Variants in ADAMTS12 observed in about 807,000 individuals in gnomAD.
ADAMTS12 encodes ADAM metallopeptidase with thrombospondin type 1 motif 12, also known as A disintegrin and metalloproteinase with thrombospondin motifs 12.
In ADAMTS12, 118 loss-of-function variants were observed where a neutral mutation model predicts 167.8. The ratio of observed to expected loss-of-function variants is 0.70; its 90% CI spans 0.61 to 0.82. The LOEUF (loss-of-function observed/expected upper bound fraction) is 0.82. Ranked by LOEUF, ADAMTS12 falls within the 40% of genes least tolerant of loss-of-function variation. The pLI, the probability that ADAMTS12 is intolerant of heterozygous loss-of-function variation, is 0.00. For missense variants in ADAMTS12, 1,916 were observed against 1,998.8 expected, an observed-to-expected ratio of 0.96 and a Z score of 0.79; for synonymous variants, 704 against 716.9, an observed-to-expected ratio of 0.98 and a Z score of 0.29.
In ADAMTS12 at chr5:33,744,296, T is replaced by C. The variant is rs576560948; in HGVS notation, c.634+7108A>G. Among the ~76,000 whole-genome samples the C allele has an allele frequency of 2.6e-5, 4 of 152,142 alleles. No individual in the cohort carries two copies. In the East Asian group the frequency reaches 5.8e-4, roughly 22 times the overall value. ...AAGTAGAAGTCACTCAGAAAAGCAT[T>C]TGGGGAGAACACGTTTCAGGGAGAA... On this transcript the variant is annotated intron_variant, in intron 3 of 23. Transcript: ENST00000504830.
intron 2 of ADAMTS12, among the ~76,000 whole-genome samples, chr5:33,818,254 C>A (rs1362507451): frequency 6.6e-6 from 1 of 151,970 alleles, no homozygotes; most frequent in Non-Finnish European, 1.5e-5. Context: ...CATCCTTTGA[C>A]CTACAGGTCC....
intron 2 of ADAMTS12, among the ~76,000 whole-genome samples, chr5:33,790,148 C>T (rs978894596): frequency 2.0e-5 from 3 of 152,234 alleles, no homozygotes; most frequent in African/African-American, 7.2e-5. Context: ...CCAGAGTCCA[C>T]ACATAGTATT....
chr5:33,783,594 T>C (rs1427713963), intron 2 of ADAMTS12, among the ~76,000 whole-genome samples: 2 of 151,932 alleles, frequency 1.3e-5, no homozygotes, highest in African/African-American at 2.4e-5. Context: ...GGATATTAGC[T>C]GTAATTCTGT....
At chr5:33,677,495 G>A (rs1016205697) in intron 5 of ADAMTS12, among the ~76,000 whole-genome samples, 1 of 152,176 alleles carries the variant, frequency 6.6e-6, no homozygotes, top group African/African-American at 2.4e-5. Flanking sequence ...CACAAGAATT[G>A]GAGGAAAGAG....
intron 2 of ADAMTS12, among the ~76,000 whole-genome samples, chr5:33,835,104 A>G (rs2111565490): frequency 6.6e-6 from 1 of 152,336 alleles, no homozygotes; most frequent in East Asian, 1.9e-4. Flanking sequence ...ATGAAATTGA[A>G]TCTGTTTTTA....
chr5:33,563,017 A>G (rs574888367), intron 19 of ADAMTS12, among the ~76,000 whole-genome samples: 2 of 152,338 alleles, frequency 1.3e-5, no homozygotes, highest in Non-Finnish European at 2.9e-5. Flanking sequence ...TCTTAGGTAG[A>G]TAATCTGTAG....
chr5:33,757,539 C>T (rs574500501), intron 2 of ADAMTS12, among the ~76,000 whole-genome samples: 2 of 152,302 alleles, frequency 1.3e-5, no homozygotes, highest in South Asian at 4.2e-4. Context: ...CCTCATCCCT[C>T]TCAGATGCTT....
chr5:33,678,637 T>C (rs1579828495), intron 5 of ADAMTS12, among the ~76,000 whole-genome samples: 2 of 152,254 alleles, frequency 1.3e-5, no homozygotes, highest in East Asian at 3.9e-4. Context: ...TGAAAAAGCC[T>C]GATGAATAAG....
At chr5:33,649,520 C>G in intron 8 of ADAMTS12, 34 bp downstream of exon 8, 1 of 1,605,796 alleles carries the variant, frequency 6.2e-7, no homozygotes. Flanking sequence ...TTAAAGAGAC[C>G]CAGGTGAGGG....
intron 22 of ADAMTS12, among the ~76,000 whole-genome samples, chr5:33,535,766 GA>G (rs1744370779): frequency 6.6e-6 from 1 of 152,156 alleles, no homozygotes; most frequent in Non-Finnish European, 1.5e-5. Context: ...TGGATGTGAG[GA>G]GGGGTGGAGC....
intron 3 of ADAMTS12, among the ~76,000 whole-genome samples, chr5:33,729,119 G>C (rs553429789): frequency 6.6e-6 from 1 of 152,158 alleles, no homozygotes; most frequent in African/African-American, 2.4e-5. Context: ...CTTTATACAT[G>C]TATGAACCTT....
intron 2 of ADAMTS12, among the ~76,000 whole-genome samples, chr5:33,789,293 C>T (rs571249517): frequency 6.6e-6 from 1 of 152,312 alleles, no homozygotes; most frequent in African/African-American, 2.4e-5. Flanking sequence ...GAAATAGGGA[C>T]ACAAATACAG....
chr5:33,534,608 A>AAAT (rs970775473), intron 23 of ADAMTS12, among the ~76,000 whole-genome samples: 1 of 152,188 alleles, frequency 6.6e-6, no homozygotes, highest in Non-Finnish European at 1.5e-5. Flanking sequence ...GATACTCAAT[A>AAAT]AATAATAATA....
intron 3 of ADAMTS12, among the ~76,000 whole-genome samples, chr5:33,738,460 C>A (rs1744444474): frequency 6.6e-6 from 1 of 152,138 alleles, no homozygotes; most frequent in East Asian, 1.9e-4. Flanking sequence ...CCTGCATATT[C>A]CAGGGGAAAT....
chr5:33,681,197 G>A (rs998687272), intron 5 of ADAMTS12, among the ~76,000 whole-genome samples: 2 of 152,262 alleles, frequency 1.3e-5, no homozygotes, highest in East Asian at 3.9e-4. Context: ...GGTTTTAGGT[G>A]ACAAAGGGAG....
intron 2 of ADAMTS12, among the ~76,000 whole-genome samples, chr5:33,856,784 C>A (rs560316466): frequency 2.0e-5 from 3 of 152,024 alleles, no homozygotes; most frequent in Non-Finnish European, 2.9e-5. Flanking sequence ...AAAAGAAAAC[C>A]CTTGTATCCT....
chr5:33,695,479 C>T (rs1157509476), intron 3 of ADAMTS12, among the ~76,000 whole-genome samples: 1 of 151,562 alleles, frequency 6.6e-6, no homozygotes, highest in East Asian at 1.9e-4. Flanking sequence ...AATAAAATGT[C>T]GTATATACAA....
Position 33,546,058 on chromosome 5 carries a change from C to T in ADAMTS12, c.4446+1G>A, listed in dbSNP as rs1185849312. The T allele has an allele frequency of 3.7e-6, 6 of 1,607,504 alleles. No homozygotes were observed. The highest frequency in any genetic ancestry group is 2.2e-5 in the South Asian group (2 of 89,308). Reference sequence around the variant, plus strand: ...AAAAAGTATGTATAACCAAGTCTTACCAGGTCCCAGTTCCCAGTGGCCCAG... The same window carrying T: ...AAAAAGTATGTATAACCAAGTCTTATCAGGTCCCAGTTCCCAGTGGCCCAG... On this transcript the variant is annotated splice_donor_variant, in intron 22 of 23. Coordinates refer to ENST00000504830, the MANE Select transcript of ADAMTS12 (RefSeq NM_030955.4). LOFTEE classifies it high-confidence loss of function.
intron 13 of ADAMTS12, among the ~76,000 whole-genome samples, chr5:33,626,272 G>A (rs1269708364): frequency 3.3e-5 from 5 of 152,052 alleles, no homozygotes; most frequent in Admixed American, 3.3e-4. Context: ...TGGTAGTGGT[G>A]GGGGTGGTGG....
Sources: gnomAD v4.1 joint callset for allele counts (sites outside exome capture counted in the v4.1 genomes callset) on GRCh38, gnomAD v4.1.1 for gene constraint, MANE v1.5 for transcripts, NCBI Gene and HGNC (gene_info 2026-07-23, HGNC 2026-07-21) for gene names.